EFR3A: variants seen among roughly 807,000 people sequenced by gnomAD.
The protein encoded by EFR3A is EFR3 homolog A.
Under a neutral mutation model 104.4 loss-of-function variants are expected in EFR3A, and 76 were observed. That is an observed-to-expected ratio of 0.73 (90% CI 0.60 to 0.88). EFR3A has a LOEUF of 0.88. EFR3A is among the 40% of genes least tolerant of loss of function. EFR3A has a pLI of 0.00. For synonymous variants in EFR3A, 330 were observed against 330.0 expected (o/e 1.00, Z 0.00); for missense variants, 985 against 1,012.5 (o/e 0.97, Z 0.37).
Position 131,979,345 on chromosome 8 carries a change from G to T in EFR3A, c.1500-1G>T. 1 of 1,555,046 alleles carries T rather than the reference G, an allele frequency of 6.4e-7. No homozygotes were observed. Among genetic ancestry groups the T allele is most frequent in the Non-Finnish European group, 8.7e-7 (1 of 1,146,600 alleles). On this transcript the variant is annotated splice_acceptor_variant, in intron 13 of 22. Transcript: ENST00000254624. LOFTEE classifies it high-confidence loss of function. ...AAAAATGATATATTGATCGTCTCTAGAATAATACCGGATGTAGCTGACCTA... is the reference window on the plus strand; with the variant it reads ...AAAAATGATATATTGATCGTCTCTATAATAATACCGGATGTAGCTGACCTA...
At chr8:131,976,941 A>G in intron 11 of EFR3A, 100 bp from the exon 12 acceptor site, 1 of 807,464 alleles carries the variant, frequency 1.2e-6, no homozygotes, top group Non-Finnish European at 1.9e-6. Context: ...AATAAAATCT[A>G]TTTAGCCAAT....
chr8:131,906,535 G>T (rs2130359418), intron 1 of EFR3A, among the ~76,000 whole-genome samples: 1 of 152,098 alleles, frequency 6.6e-6, no homozygotes, highest in South Asian at 2.1e-4. Context: ...CTATTTTGTT[G>T]CTTATTTGGA....
chr8:131,946,568 C>A lies in EFR3A; in HGVS notation c.301C>A (p.Leu101Ile). 1 of 1,607,366 alleles carries A rather than the reference C, an allele frequency of 6.2e-7. No individual in the cohort carries two copies. Among genetic ancestry groups the A allele is most frequent in the Non-Finnish European group, 8.5e-7 (1 of 1,176,872 alleles). The change falls in exon 4 of 23, where the codon CTT becomes ATT. Residue 101 changes from leucine (L) to isoleucine (I), a missense_variant. Transcript: ENST00000254624. ...QSIKPFVESF[L>I]HMVAKLLESG... Reference sequence around the variant, plus strand: ...CATTAAGCCATTTGTAGAAAGCTTTCTTCATATGGTGGCAAAGCTGCTGGA... The same window carrying A: ...CATTAAGCCATTTGTAGAAAGCTTTATTCATATGGTGGCAAAGCTGCTGGA...
chr8:131,937,279 C>T (rs1255482008), intron 1 of EFR3A, among the ~76,000 whole-genome samples: 1 of 152,146 alleles, frequency 6.6e-6, no homozygotes, highest in Non-Finnish European at 1.5e-5. Context: ...GGCTTCTACA[C>T]TCCAGGCACT....
intron 8 of EFR3A, 52 bp from the exon 9 acceptor site, chr8:131,968,243 G>A (rs2130693183): frequency 6.5e-7 from 1 of 1,549,188 alleles, no homozygotes; most frequent in Non-Finnish European, 8.8e-7. Flanking sequence ...TAGGAATTCT[G>A]CCAAGGTACA....
In EFR3A at chr8:131,953,982, A is replaced by G. The variant is rs373700305; in HGVS notation, c.638+15A>G. On this transcript the variant is annotated intron_variant, in intron 6 of 22. Transcript: ENST00000254624. Reference sequence around the variant, plus strand: ...GAAGTTGACAGGTATTTAAAAAAATATTAGTGTTGAGACAGTGTTACTTTT... The same window carrying G: ...GAAGTTGACAGGTATTTAAAAAAATGTTAGTGTTGAGACAGTGTTACTTTT... 4.6e-6 allele frequency: 7 copies of G among 1,522,064 alleles called. No individual in the cohort carries two copies. The highest frequency in any genetic ancestry group is 1.3e-5 in the South Asian group (1 of 79,468). The allele number at this position is 1,522,064 out of a possible 1,614,324, so 94.3% of individuals were successfully genotyped here. A position where few individuals can be genotyped will look rare whatever the true frequency, so the allele number is the denominator to read the frequency against.
intron 4 of EFR3A, 105 bp downstream of exon 4, chr8:131,946,738 G>A (rs2130585923): frequency 1.8e-6 from 2 of 1,109,336 alleles, no homozygotes; most frequent in South Asian, 4.3e-5. Context: ...CCCTGAATAG[G>A]GCATTTGAAC....
intron 18 of EFR3A, among the ~76,000 whole-genome samples, chr8:131,991,081 G>A (rs138104157): frequency 1.2e-4 from 18 of 152,260 alleles, no homozygotes; most frequent in Admixed American, 9.8e-4. Context: ...ACAGTTCCAC[G>A]TGGCTGGGGA....
intron 1 of EFR3A, among the ~76,000 whole-genome samples, chr8:131,921,343 T>A (rs1197498006): frequency 2.0e-5 from 3 of 152,136 alleles, no homozygotes; most frequent in Non-Finnish European, 4.4e-5. Flanking sequence ...TTCCTTTTTA[T>A]AAGAATACTA....
At chr8:131,935,372 AATTC>A (rs1174197320) in intron 1 of EFR3A, 1 of 251,222 alleles carries the variant, frequency 4.0e-6, no homozygotes, top group African/African-American at 2.3e-5. Flanking sequence ...GCATTTGAGG[AATTC>A]ATATTCTGGT....
At chr8:131,952,086 A>C (rs1818730763) in intron 5 of EFR3A, among the ~76,000 whole-genome samples, 1 of 151,962 alleles carries the variant, frequency 6.6e-6, no homozygotes, top group Non-Finnish European at 1.5e-5. Context: ...CATGCATCAC[A>C]ATCTTTAACT....
At chr8:131,915,099 A>C (rs1816687552) in intron 1 of EFR3A, among the ~76,000 whole-genome samples, 1 of 152,140 alleles carries the variant, frequency 6.6e-6, no homozygotes, top group Non-Finnish European at 1.5e-5. Flanking sequence ...TATTGTGAAT[A>C]GTGGAGCAGC....
intron 1 of EFR3A, among the ~76,000 whole-genome samples, chr8:131,934,614 C>T (rs1049770514): frequency 1.3e-5 from 2 of 151,930 alleles, no homozygotes; most frequent in African/African-American, 2.4e-5. Context: ...ATATTACAGG[C>T]TTTATAGATA....
chr8:131,993,999 G>A (rs1821346771), intron 18 of EFR3A, among the ~76,000 whole-genome samples: 3 of 152,058 alleles, frequency 2.0e-5, no homozygotes, highest in Admixed American at 2.0e-4. Flanking sequence ...TAATATGTGG[G>A]TGATGAAATA....
intron 13 of EFR3A, 145 bp from the exon 14 acceptor site, chr8:131,979,201 C>A: frequency 1.1e-6 from 1 of 914,346 alleles, no homozygotes; most frequent in Non-Finnish European, 1.6e-6. Flanking sequence ...TTGGAGGGCA[C>A]GTATGTACTC....
chr8:132,008,249 AGTT>A (rs992539770), intron 22 of EFR3A, among the ~76,000 whole-genome samples: 6 of 152,102 alleles, frequency 3.9e-5, no homozygotes, highest in African/African-American at 1.4e-4. Flanking sequence ...CCAAGACAGT[AGTT>A]GTTTTACAAA....
chr8:131,946,024 T>C lies in EFR3A; in HGVS notation c.216-459T>C, dbSNP rs1818421299. Among the ~76,000 whole-genome samples the C allele has an allele frequency of 2.0e-5, 3 of 152,178 alleles. No homozygotes were observed. The South Asian group carries it at 6.2e-4, about 32-fold the overall frequency. On this transcript the variant is annotated intron_variant, in intron 3 of 22. Transcript: ENST00000254624. ...AGTACAAGATGTAAAATCTGATGAA[T>C]TGTAAAGTAATATTTATGAGATTTT...
intron 19 of EFR3A, among the ~76,000 whole-genome samples, chr8:132,001,155 G>A (rs2130802665): frequency 6.6e-6 from 1 of 152,292 alleles, no homozygotes; most frequent in East Asian, 1.9e-4. Context: ...CTCAAAGCAA[G>A]AGAGACTTGA....
chr8:131,972,427 A>G (rs978000885), intron 10 of EFR3A, among the ~76,000 whole-genome samples: 1 of 150,722 alleles, frequency 6.6e-6, no homozygotes, highest in Non-Finnish European at 1.5e-5. Context: ...TTGGACTTTA[A>G]TATCATATGC....
Sources: allele counts gnomAD v4.1 joint callset (sites outside exome capture counted in the v4.1 genomes callset), GRCh38; gene constraint gnomAD v4.1.1; transcripts MANE v1.5; gene names NCBI Gene and HGNC (gene_info 2026-07-23, HGNC 2026-07-21).